The following STXBP5 variants were observed in gnomAD, a reference collection of about 807,000 sequenced individuals.
STXBP5 encodes syntaxin binding protein 5, also known as syntaxin-binding protein 5.
A neutral mutation model predicts 152.4 loss-of-function variants in STXBP5; 50 were observed. The ratio of observed to expected loss-of-function variants is 0.33; its 90% CI spans 0.26 to 0.42. STXBP5 has a LOEUF of 0.42. Among genes scored for constraint, STXBP5 ranks in the 10% least tolerant of loss-of-function variants. The probability of loss-of-function intolerance (pLI) is 1.00; values close to 1 mark genes in which losing one functional copy is unlikely to be tolerated. For synonymous variants in STXBP5, 492 were observed against 494.7 expected (o/e 0.99, Z 0.07); for missense variants, 1,167 against 1,388.6 (o/e 0.84, Z 2.54).
At chr6:147,338,435 TCAAC>T (rs1783935974) in intron 19 of STXBP5, among the ~76,000 whole-genome samples, 1 of 151,884 alleles carries the variant, frequency 6.6e-6, no homozygotes, top group Non-Finnish European at 1.5e-5. Flanking sequence ...CCAAACGTGA[TCAAC>T]CAAAATACTA....
chr6:147,303,054 C>T lies in STXBP5; in HGVS notation c.918-7030C>T, dbSNP rs180949168. Among the ~76,000 whole-genome samples the T allele has an allele frequency of 7.4e-3, 1,119 of 152,188 alleles. 5 individuals carry two copies. Among genetic ancestry groups the T allele is most frequent in the Non-Finnish European group, 0.012 (800 of 68,022 alleles). ...TGGCTCTCGACAAATTGCCATATTG[C>T]TTTTCAGTAGTATCTGTGTATACTT... On this transcript the variant is annotated intron_variant, in intron 9 of 27. Transcript: ENST00000321680.
rs1211002388 is a variant in STXBP5 at position 147,212,460 on chromosome 6, T to TA, written c.248+6393dup. Among the ~76,000 whole-genome samples, 7 of 152,186 alleles carry TA rather than the reference T, an allele frequency of 4.6e-5. No homozygotes were observed. In the South Asian group the frequency reaches 1.0e-3, roughly 22 times the overall value. ...TTCTTGTTCCAATAATCTTCAGACT[T>TA]ACCTTGTATAAGTCAACTAAAATCT... On this transcript the variant is annotated intron_variant, in intron 2 of 27. Coordinates refer to ENST00000321680, the MANE Select transcript of STXBP5 (RefSeq NM_001127715.4).
At chr6:147,358,125 T>C (rs540599852) in intron 22 of STXBP5, among the ~76,000 whole-genome samples, 8 of 152,054 alleles carry the variant, frequency 5.3e-5, no homozygotes, top group Admixed American at 1.3e-4. Flanking sequence ...CTTAAGTGAA[T>C]GTGGATTGCA....
intron 16 of STXBP5, among the ~76,000 whole-genome samples, chr6:147,320,177 A>G (rs1271902782): frequency 2.6e-5 from 4 of 152,168 alleles, no homozygotes; most frequent in Non-Finnish European, 5.9e-5. Context: ...AAATAATTTC[A>G]GATGGTGACT....
Position 147,382,876 on chromosome 6 carries a change from G to T in STXBP5, c.3292G>T (p.Val1098Phe). The change falls in exon 27 of 28, where the codon GTT becomes TTT. Residue 1098 changes from valine (V) to phenylalanine (F), a missense_variant. Val to Phe is a conservative substitution (Grantham distance 50). Around this residue, in one of 3 missense-constraint regions of STXBP5, gnomAD observed 833 missense variants for 986.3 expected, o/e 0.84. Transcript: ENST00000321680. ...EGVKGAASGV[V>F]GELARARLAL... ...CGTAAAAGGGGCAGCATCTGGAGTT[G>T]TTGGTGAATTAGCACGAGCCAGGCT... is the stretch of plus-strand genomic sequence containing the variant. 6.2e-7 allele frequency: 1 copy of T among 1,613,554 alleles called. No homozygotes were observed. Among genetic ancestry groups the T allele is most frequent in the Non-Finnish European group, 8.5e-7 (1 of 1,179,704 alleles).
chr6:147,213,477 T>TGTGTGTGCGCGCGCGCGC lies in STXBP5; in HGVS notation c.248+7410_248+7411insTGTGTGCGCGCGCGCGCG. Among the ~76,000 whole-genome samples, 57 of 131,320 alleles carry TGTGTGTGCGCGCGCGCGC rather than the reference T, an allele frequency of 4.3e-4. 1 individual carries two copies. The highest frequency in any genetic ancestry group is 1.5e-3 in the African/African-American group (46 of 31,364). The allele number at this position is 131,320 out of a possible 152,430, so 86.2% of individuals were successfully genotyped here. A position where few individuals can be genotyped will look rare whatever the true frequency, so the allele number is the denominator to read the frequency against. On this transcript the variant is annotated intron_variant, in intron 2 of 27. Transcript: ENST00000321680. ...GTGTGTGTGTGTGTGTGTGTGTGTG[T>TGTGTGTGCGCGCGCGCGC]GCGCGCGCATATATATATTTTTTCT...
intron 4 of STXBP5, among the ~76,000 whole-genome samples, chr6:147,254,896 G>T (rs907679935): frequency 1.7e-4 from 26 of 152,310 alleles, no homozygotes; most frequent in African/African-American, 6.0e-4. Flanking sequence ...AACCATTGTG[G>T]AAGACAGTGT....
Position 147,351,329 on chromosome 6 carries a change from G to A in STXBP5, c.2255-1994G>A, listed in dbSNP as rs184462544. Among the ~76,000 whole-genome samples the A allele has an allele frequency of 1.6e-4, 25 of 152,324 alleles. No individual in the cohort carries two copies. The East Asian group carries it at 3.7e-3, about 22-fold the overall frequency. ...TCAAATCAGAGTAGTGATGTCTAGA[G>A]AGGCGGCATCCATATCATATGATTT... On this transcript the variant is annotated intron_variant, in intron 21 of 27. Coordinates refer to ENST00000321680, the MANE Select transcript of STXBP5 (RefSeq NM_001127715.4).
chr6:147,323,531 G>A (rs1406542717), intron 16 of STXBP5, among the ~76,000 whole-genome samples: 1 of 151,654 alleles, frequency 6.6e-6, no homozygotes, highest in Non-Finnish European at 1.5e-5. Flanking sequence ...AGCTGGGATT[G>A]CAGGTGCTCA....
At chr6:147,252,168 TCTCCTCCAAAGGATCACAA>T (rs1043214619) in intron 4 of STXBP5, among the ~76,000 whole-genome samples, 1 of 151,942 alleles carries the variant, frequency 6.6e-6, no homozygotes, top group Non-Finnish European at 1.5e-5. Flanking sequence ...AAATGTCTCT[TCTCCTCCAAAGGATCACAA>T]CTCCTTGCCA....
At chr6:147,292,189 A>G in intron 9 of STXBP5, 1 of 437,258 alleles carries the variant, frequency 2.3e-6, no homozygotes. Context: ...TCATTTGAGT[A>G]AAGGTACCAG....
intron 11 of STXBP5, among the ~76,000 whole-genome samples, chr6:147,312,914 A>G (rs1297559988): frequency 2.6e-5 from 4 of 152,202 alleles, no homozygotes; most frequent in Admixed American, 2.6e-4. Flanking sequence ...TTTAAGTCAA[A>G]GAAAATACTA....
In STXBP5 at chr6:147,267,110, A is replaced by T. The variant is rs763927474; in HGVS notation, c.657A>T (p.Thr219=). The change falls in exon 7 of 28, where the codon ACA becomes ACT. Residue 219 remains threonine, a synonymous_variant. Coordinates refer to ENST00000321680, the MANE Select transcript of STXBP5 (RefSeq NM_001127715.4). ...GKLLIGFESG[T]VVLWDLKSKK... is the part of the protein sequence containing the mutation. Reference sequence around the variant, plus strand: ...TTTTGATTGGCTTTGAATCTGGAACAGTAGTTTTATGGGACCTCAAATCAA... The same window carrying T: ...TTTTGATTGGCTTTGAATCTGGAACTGTAGTTTTATGGGACCTCAAATCAA... The T allele has an allele frequency of 1.1e-5, 17 of 1,611,718 alleles. No homozygotes were observed. In the South Asian group the frequency reaches 1.8e-4, roughly 17 times the overall value.
chr6:147,230,861 A>G (rs1280960558), intron 2 of STXBP5, among the ~76,000 whole-genome samples: 1 of 151,878 alleles, frequency 6.6e-6, no homozygotes, highest in Non-Finnish European at 1.5e-5. Flanking sequence ...GTAGAGAACT[A>G]TTGTGAGATA....
chr6:147,379,080 G>A (rs1489790824), intron 26 of STXBP5, among the ~76,000 whole-genome samples: 2 of 149,248 alleles, frequency 1.3e-5, no homozygotes, highest in Non-Finnish European at 3.0e-5. Context: ...CTATTTTTCT[G>A]AAGCCACATC....
chr6:147,339,283 A>T, intron 20 of STXBP5, 45 bp downstream of exon 20: 2 of 1,510,234 alleles, frequency 1.3e-6, no homozygotes, highest in South Asian at 2.6e-5. Flanking sequence ...TGTTTAATTT[A>T]TTTAGTTTAC....
chr6:147,316,201 T>G (rs1307137242), intron 15 of STXBP5, 28 bp from the exon 16 acceptor site: 1 of 1,597,828 alleles, frequency 6.3e-7, no homozygotes, highest in East Asian at 2.2e-5. Context: ...TTATTAGGAG[T>G]AAGTAAACTA....
At chr6:147,316,466 G>T in intron 16 of STXBP5, 59 bp downstream of exon 16, 3 of 1,349,124 alleles carry the variant, frequency 2.2e-6, no homozygotes, top group Non-Finnish European at 2.9e-6. Flanking sequence ...TATATAAATT[G>T]TAAGCATTAG....
At chr6:147,235,636 T>C (rs1778233202) in intron 3 of STXBP5, among the ~76,000 whole-genome samples, 1 of 152,192 alleles carries the variant, frequency 6.6e-6, no homozygotes, top group Admixed American at 6.5e-5. Context: ...TATATTAAAA[T>C]ATTTTTTAAA....
Sources: allele counts gnomAD v4.1 joint callset (sites outside exome capture counted in the v4.1 genomes callset), GRCh38; gene constraint gnomAD v4.1.1; regional missense constraint gnomAD v4.1.1; transcripts MANE v1.5; gene names NCBI Gene and HGNC (gene_info 2026-07-23, HGNC 2026-07-21).